The following NNMT variants were observed in gnomAD, a reference collection of about 807,000 sequenced individuals.
The protein encoded by NNMT is nicotinamide N-methyltransferase.
A neutral mutation model predicts 11.7 loss-of-function variants in NNMT; 10 were observed. That is an observed-to-expected ratio of 0.85 (90% confidence interval 0.53 to 1.45). NNMT has a LOEUF of 1.45. NNMT is among the 40% of genes most tolerant of loss of function. NNMT has a pLI of 0.00. For missense variants in NNMT, 381 were observed against 319.4 expected, an observed-to-expected ratio of 1.19 and a Z score of -1.47; for synonymous variants, 143 against 133.8, an observed-to-expected ratio of 1.07 and a Z score of -0.48.
intron 2 of NNMT, among the ~76,000 whole-genome samples, chr11:114,274,765 C>CCCAAGCAT (rs1945202364): frequency 3.3e-5 from 5 of 152,204 alleles, no homozygotes. Context: ...ATATGCATAA[C>CCCAAGCAT]AGGCAGGATG....
At chr11:114,291,298 A>G (rs1033184561) in intron 2 of NNMT, among the ~76,000 whole-genome samples, 1 of 151,708 alleles carries the variant, frequency 6.6e-6, no homozygotes, top group Non-Finnish European at 1.5e-5. Flanking sequence ...TATTTTTTCC[A>G]TTTCCCTTTC....
At chr11:114,268,104 G>A (rs1469738410) in intron 2 of NNMT, among the ~76,000 whole-genome samples, 1 of 152,300 alleles carries the variant, frequency 6.6e-6, no homozygotes, top group African/African-American at 2.4e-5. Flanking sequence ...AGGAGGAAAC[G>A]ATCTGAAGAG....
At chr11:114,302,386 A>G (rs1025721028) in intron 2 of NNMT, among the ~76,000 whole-genome samples, 1 of 152,106 alleles carries the variant, frequency 6.6e-6, no homozygotes, top group Non-Finnish European at 1.5e-5. Flanking sequence ...AGGAATTGCA[A>G]TATGCATCCT....
At chr11:114,288,869 T>TG (rs1163331124) in intron 2 of NNMT, among the ~76,000 whole-genome samples, 2 of 152,308 alleles carry the variant, frequency 1.3e-5, no homozygotes, top group Non-Finnish European at 1.5e-5. Flanking sequence ...CTCATGCTCA[T>TG]GGGTGATTTT....
chr11:114,258,490 C>A (rs771459953), intron 1 of NNMT, among the ~76,000 whole-genome samples: 1 of 152,240 alleles, frequency 6.6e-6, no homozygotes, highest in Non-Finnish European at 1.5e-5. Context: ...GCCAGGCCTT[C>A]CCATGTGGGA....
upstream of NNMT, among the ~76,000 whole-genome samples, chr11:114,295,630 C>T (rs935450720): frequency 2.0e-5 from 3 of 151,828 alleles, no homozygotes; most frequent in East Asian, 3.9e-4. Context: ...GGGGTTTCAC[C>T]ATGTTAGCCA....
At position 114,260,291 on chromosome 11, in the gene NNMT, A is replaced by G. The variant is rs139731106; in HGVS notation, c.-217+2413A>G. On this transcript the variant is annotated intron_variant, in intron 1 of 4. Transcript: ENST00000535401. ...TGTCCCCACCCAGCCAGCTTTGACA[A>G]TTTCTGTTGTGTGTTCCCATAACTT... Among the ~76,000 whole-genome samples, 305 of 152,226 alleles carry G rather than the reference A, an allele frequency of 2.0e-3. 4 individuals are homozygous for G. Among genetic ancestry groups the G allele is most frequent in the African/African-American group, 7.1e-3 (293 of 41,526 alleles).
chr11:114,263,328 C>T (rs1945097657), intron 2 of NNMT, among the ~76,000 whole-genome samples: 1 of 152,192 alleles, frequency 6.6e-6, no homozygotes, highest in Non-Finnish European at 1.5e-5. Context: ...CTCTTTTCTC[C>T]TATTCCCTGC....
At chr11:114,273,524 C>A (rs1222215988) in intron 2 of NNMT, among the ~76,000 whole-genome samples, 1 of 152,180 alleles carries the variant, frequency 6.6e-6, no homozygotes, top group African/African-American at 2.4e-5. Flanking sequence ...AAGCAAGATT[C>A]TTAGAACACA....
Position 114,268,324 on chromosome 11 carries a change from G to A in NNMT, c.-130+5390G>A, listed in dbSNP as rs549559015. 2.6e-5 allele frequency among the ~76,000 whole-genome samples: 4 copies of A among 152,226 alleles called. No homozygotes were observed. In the South Asian group the frequency reaches 6.2e-4, roughly 24 times the overall value. On this transcript the variant is annotated intron_variant, in intron 2 of 4. Transcript: ENST00000535401. The stretch of plus-strand genomic sequence containing the variant: ...CCTTTTTCCAGCCTCTCCCAGCTAG[G>A]CAGAACATCTGTACAGTCCTCCCAC...
chr11:114,281,709 C>G (rs1387856282), intron 2 of NNMT, among the ~76,000 whole-genome samples: 2 of 152,184 alleles, frequency 1.3e-5, no homozygotes, highest in African/African-American at 2.4e-5. Context: ...TCTTGTCTCC[C>G]TCTTCAGCCA....
rs766962763 is a variant in NNMT at position 114,312,295 on chromosome 11, A to G, written c.613A>G (p.Met205Val). The G allele has an allele frequency of 5.6e-6, 9 of 1,614,062 alleles. No individual in the cohort carries two copies. The Admixed American group carries it at 8.3e-5, about 15-fold the overall frequency. The change falls in exon 3 of 3, where the codon ATG (methionine) becomes GTG (valine). Residue 205 changes from methionine to valine, a missense_variant. Transcript: ENST00000299964. Reference protein sequence around the residue: ...IMDALKSSYYMIGEQKFSSLP... With the variant: ...IMDALKSSYYVIGEQKFSSLP... Reference sequence around the variant, plus strand: ...GGATGCGCTCAAGAGCAGCTACTACATGATTGGTGAGCAGAAGTTCTCCAG... The same window carrying G: ...GGATGCGCTCAAGAGCAGCTACTACGTGATTGGTGAGCAGAAGTTCTCCAG...
At chr11:114,276,171 C>A (rs1945212232) in intron 2 of NNMT, among the ~76,000 whole-genome samples, 1 of 142,978 alleles carries the variant, frequency 7.0e-6, no homozygotes, top group African/African-American at 2.6e-5. Flanking sequence ...CTGCTTCAAC[C>A]CAGGGACCGT....
chr11:114,289,917 C>T (rs1945323003), intron 2 of NNMT, among the ~76,000 whole-genome samples: 1 of 152,144 alleles, frequency 6.6e-6, no homozygotes, highest in Non-Finnish European at 1.5e-5. Flanking sequence ...AAGATTGAGG[C>T]ACCAGCAGAT....
intron 1 of NNMT, among the ~76,000 whole-genome samples, chr11:114,259,050 G>GT (rs368544019): frequency 2.6e-5 from 4 of 152,344 alleles, no homozygotes; most frequent in African/African-American, 9.6e-5. Flanking sequence ...TTAGTCACCT[G>GT]TTTCCTTAAC....
chr11:114,276,810 G>T (rs1945216756), intron 2 of NNMT, among the ~76,000 whole-genome samples: 1 of 152,220 alleles, frequency 6.6e-6, no homozygotes, highest in Admixed American at 6.5e-5. Context: ...CATGAAATGA[G>T]AAGAACAGAG....
At chr11:114,274,695 C>T (rs1474156396) in intron 2 of NNMT, among the ~76,000 whole-genome samples, 2 of 152,204 alleles carry the variant, frequency 1.3e-5, no homozygotes, top group Non-Finnish European at 2.9e-5. Context: ...AAGTAGATGG[C>T]TAGAGACAAG....
At chr11:114,305,693 G>A (rs1311919888) in intron 2 of NNMT, among the ~76,000 whole-genome samples, 1 of 151,924 alleles carries the variant, frequency 6.6e-6, no homozygotes, top group Non-Finnish European at 1.5e-5. Flanking sequence ...ATTTTTTATG[G>A]CTGCATAGTA....
intron 2 of NNMT, among the ~76,000 whole-genome samples, chr11:114,310,325 T>C (rs1361925783): frequency 1.3e-5 from 2 of 152,242 alleles, no homozygotes; most frequent in Admixed American, 1.3e-4. Flanking sequence ...TGGTATCTCA[T>C]GGTTTTGATT....
Sources: gnomAD v4.1 joint callset for allele counts (sites outside exome capture counted in the v4.1 genomes callset) on GRCh38, gnomAD v4.1.1 for gene constraint, MANE v1.5 for transcripts, NCBI Gene and HGNC (gene_info 2026-07-23, HGNC 2026-07-21) for gene names.